CDK12: variants seen among roughly 807,000 people sequenced by gnomAD.
The protein encoded by CDK12 is cyclin dependent kinase 12, also known as cyclin-dependent kinase 12.
Under a neutral mutation model 133.8 loss-of-function variants are expected in CDK12, and 17 were observed. The observed-to-expected ratio is 0.13, with a 90% CI of 0.09 to 0.19. The LOEUF is 0.19. Among genes scored for constraint, CDK12 ranks in the 10% least tolerant of loss-of-function variants. The pLI is 1.00. For missense variants in CDK12, 1,508 were observed against 1,818.7 expected (o/e 0.83, Z 3.11); for synonymous variants, 694 against 683.6 (o/e 1.02, Z -0.24).
chr17:39,504,026 A>G (rs538210807), intron 6 of CDK12, among the ~76,000 whole-genome samples: 135 of 152,304 alleles, frequency 8.9e-4, no homozygotes, highest in African/African-American at 3.0e-3. Flanking sequence ...CCCAGACACC[A>G]CTAGTAGGGA....
At chr17:39,502,010 A>G (rs1422374503) in intron 6 of CDK12, among the ~76,000 whole-genome samples, 1 of 151,132 alleles carries the variant, frequency 6.6e-6, no homozygotes, top group East Asian at 1.9e-4. Flanking sequence ...ATGCTCTGCT[A>G]ATTTTTGTAT....
rs2048978646 is a variant in CDK12, at chr17:39,461,804, G to A, written c.-268G>A. Reference sequence around the variant, plus strand: ...GGACTGGCTCGGCGGAGGGAGAAGAGGAAACAGACTTGAGCAGCTCCCCGT... The same window carrying A: ...GGACTGGCTCGGCGGAGGGAGAAGAAGAAACAGACTTGAGCAGCTCCCCGT... On this transcript the variant is annotated 5_prime_UTR_variant, in exon 1 of 14. Transcript: ENST00000447079. 2.0e-6 allele frequency: 1 copy of A among 496,438 alleles called. No homozygotes were observed. Among genetic ancestry groups the A allele is most frequent in the East Asian group, 3.3e-5 (1 of 30,686 alleles). The allele number at this position is 496,438 out of a possible 1,614,324, so 30.8% of individuals were successfully genotyped here.
At chr17:39,479,610 TTTTTG>T (rs890142226) in intron 2 of CDK12, among the ~76,000 whole-genome samples, 3 of 152,180 alleles carry the variant, frequency 2.0e-5, no homozygotes, top group African/African-American at 4.8e-5. Flanking sequence ...TGTCTGTTTT[TTTTTG>T]TTTTGTTTTG....
chr17:39,547,512 A>G (rs1232023147), upstream of CDK12, among the ~76,000 whole-genome samples: 2 of 152,168 alleles, frequency 1.3e-5, no homozygotes, highest in African/African-American at 4.8e-5. Flanking sequence ...GAAAGGAAAG[A>G]TGATTTATCT....
At chr17:39,530,491 A>C in intron 13 of CDK12, 113 bp from the exon 14 acceptor site, 1 of 1,416,908 alleles carries the variant, frequency 7.1e-7, no homozygotes, top group Non-Finnish European at 9.3e-7. Flanking sequence ...TTTATTCTTT[A>C]TATATCTGGT....
intron 11 of CDK12, among the ~76,000 whole-genome samples, chr17:39,524,051 A>G (rs1388724989): frequency 3.3e-5 from 5 of 152,206 alleles, no homozygotes; most frequent in Non-Finnish European, 5.9e-5. Flanking sequence ...AGAGATTTAT[A>G]GTAAGATTTG....
chr17:39,494,864 G>A (rs941394897), intron 5 of CDK12, among the ~76,000 whole-genome samples, 170 bp downstream of exon 5: 3 of 151,188 alleles, frequency 2.0e-5, no homozygotes, highest in African/African-American at 7.3e-5. Context: ...CCACCTCCTG[G>A]GTTCACGCCA....
chr17:39,466,748 A>G (rs555550143), intron 1 of CDK12, among the ~76,000 whole-genome samples: 1 of 151,918 alleles, frequency 6.6e-6, no homozygotes, highest in African/African-American at 2.4e-5. Flanking sequence ...TAGCATGCAA[A>G]TATAAACATA....
At chr17:39,472,431 T>G (rs2049862830) in intron 2 of CDK12, among the ~76,000 whole-genome samples, 1 of 152,046 alleles carries the variant, frequency 6.6e-6, no homozygotes, top group Admixed American at 6.6e-5. Flanking sequence ...CCCAGCACTT[T>G]GGGAGGCTAG....
intron 3 of CDK12, among the ~76,000 whole-genome samples, chr17:39,558,025 C>T (rs1460240078): frequency 6.6e-6 from 1 of 152,218 alleles, no homozygotes; most frequent in Non-Finnish European, 1.5e-5. Context: ...TCAGTAGGTG[C>T]TCACTCAACA....
chr17:39,471,573 A>T lies in CDK12; in HGVS notation c.1741A>T (p.Thr581Ser), dbSNP rs2145206953. The change falls in exon 2 of 14, where the codon ACT becomes TCT. Residue 581 changes from threonine (T) to serine (S), a missense_variant. By Grantham distance (58) the Thr-to-Ser change is moderately conservative (BLOSUM62 1). This residue lies in a region of CDK12 where 347 missense variants were observed against 330.8 expected (regional missense o/e 1.05). Coordinates refer to ENST00000447079, the MANE Select transcript of CDK12 (RefSeq NM_016507.4). ...PAFSQVPASS[T>S]STLPPSTHSK... Reference sequence around the variant, plus strand: ...ATTTAGTCAGGTTCCTGCTTCCAGTACTTCAACTTTGCCCCCTTCTACTCA... The same window carrying T: ...ATTTAGTCAGGTTCCTGCTTCCAGTTCTTCAACTTTGCCCCCTTCTACTCA... 6.2e-7 allele frequency: 1 copy of T among 1,613,912 alleles called. No individual in the cohort carries two copies. Among genetic ancestry groups the T allele is most frequent in the South Asian group, 1.1e-5 (1 of 91,058 alleles).
intron 2 of CDK12, among the ~76,000 whole-genome samples, chr17:39,476,232 C>T (rs1338059323): frequency 6.6e-6 from 1 of 151,556 alleles, no homozygotes; most frequent in Non-Finnish European, 1.5e-5. Flanking sequence ...GTCTCAGCCT[C>T]CCGAGTAGTT....
At chr17:39,561,295 G>T (rs181249199) in intron 3 of CDK12, among the ~76,000 whole-genome samples, 2 of 152,292 alleles carry the variant, frequency 1.3e-5, no homozygotes, top group Non-Finnish European at 2.9e-5. Context: ...GAGGGGTAAG[G>T]GAGATATAGC....
intron 2 of CDK12, among the ~76,000 whole-genome samples, chr17:39,482,631 G>A (rs1326826842): frequency 6.4e-5 from 2 of 31,464 alleles, no homozygotes; most frequent in African/African-American, 1.0e-4. Flanking sequence ...GAGGCAGAGT[G>A]TCTCTCTGTC....
At chr17:39,559,569 G>A (rs1056219469) in intron 3 of CDK12, among the ~76,000 whole-genome samples, 1 of 152,138 alleles carries the variant, frequency 6.6e-6, no homozygotes, top group African/African-American at 2.4e-5. Flanking sequence ...ATGGAATAAT[G>A]TAGTACATAA....
At chr17:39,501,204 ATT>A in intron 5 of CDK12, 44 bp from the exon 6 acceptor site, 5 of 1,314,960 alleles carry the variant, frequency 3.8e-6, no homozygotes, top group Non-Finnish European at 5.2e-6. Context: ...TTATTTCAGC[ATT>A]CTTTTTTTTT....
At chr17:39,468,366 C>G (rs1205923534) in intron 1 of CDK12, among the ~76,000 whole-genome samples, 4 of 152,166 alleles carry the variant, frequency 2.6e-5, no homozygotes, top group African/African-American at 7.2e-5. Flanking sequence ...CTTACCATAT[C>G]TCCCTGATCA....
chr17:39,477,828 C>G (rs1315036768), intron 2 of CDK12, among the ~76,000 whole-genome samples: 4 of 152,040 alleles, frequency 2.6e-5, no homozygotes, highest in African/African-American at 9.7e-5. Flanking sequence ...CCACCTTGGC[C>G]TCCCAAAGTG....
intron 2 of CDK12, among the ~76,000 whole-genome samples, chr17:39,483,556 G>A (rs1205173167): frequency 6.6e-6 from 1 of 151,852 alleles, no homozygotes; most frequent in East Asian, 1.9e-4. Context: ...GAGCCACCGT[G>A]CCTGGTCTGA....
Sources: gnomAD v4.1 joint callset for allele counts (sites outside exome capture counted in the v4.1 genomes callset) on GRCh38, gnomAD v4.1.1 for gene constraint, gnomAD v4.1.1 regional missense constraint, MANE v1.5 for transcripts, NCBI Gene and HGNC (gene_info 2026-07-23, HGNC 2026-07-21) for gene names.